Variants in TANC2 observed in about 807,000 individuals in gnomAD.
TANC2 encodes protein TANC2.
TANC2 carries 26 observed loss-of-function variants against 210.5 expected under a neutral mutation model. That is an observed-to-expected ratio of 0.12 (90% CI 0.09 to 0.17). TANC2 has a LOEUF of 0.17. Ranked by LOEUF, TANC2 falls within the 10% of genes least tolerant of loss-of-function variation. The probability of loss-of-function intolerance (pLI) is 1.00; values close to 1 mark genes in which losing one functional copy is unlikely to be tolerated. For missense variants in TANC2, 2,129 were observed against 2,608.9 expected, an observed-to-expected ratio of 0.82 and a Z score of 4.01; for synonymous variants, 931 against 967.1, an observed-to-expected ratio of 0.96 and a Z score of 0.69.
intron 9 of TANC2, among the ~76,000 whole-genome samples, chr17:63,275,529 T>C (rs909924878): frequency 6.6e-6 from 1 of 152,214 alleles, no homozygotes; most frequent in Non-Finnish European, 1.5e-5. Context: ...GTCATGAAGC[T>C]AAATGCTCTT....
intron 7 of TANC2, among the ~76,000 whole-genome samples, chr17:63,205,632 C>T (rs1215245243): frequency 6.6e-6 from 1 of 152,126 alleles, no homozygotes; most frequent in African/African-American, 2.4e-5. Flanking sequence ...AGGCCGGGCA[C>T]TGTGGCTCAC....
chr17:63,112,643 A>G (rs1473526039), intron 4 of TANC2, among the ~76,000 whole-genome samples: 1 of 152,200 alleles, frequency 6.6e-6, no homozygotes, highest in African/African-American at 2.4e-5. Context: ...CTGTTTCTTC[A>G]TATGTACAGT....
In TANC2 at chr17:63,325,043, C is replaced by T. The variant is rs888966446; in HGVS notation, c.1575+5953C>T. Among the ~76,000 whole-genome samples, 3 of 127,122 alleles carry T rather than the reference C, an allele frequency of 2.4e-5. No homozygotes were observed. In the Admixed American group the frequency reaches 3.2e-4, roughly 14 times the overall value. 83.4% of individuals were successfully genotyped at this position (127,122 alleles called of 152,430 possible). On this transcript the variant is annotated intron_variant, in intron 11 of 27. Transcript: ENST00000689528. ...TTTTCCCAGGACCGGTTATTTTAGA[C>T]TACATAATTCTTTGTGTGGGGTGGG...
At chr17:63,008,586 C>T (rs1356899183) in intron 1 of TANC2, among the ~76,000 whole-genome samples, 3 of 151,534 alleles carry the variant, frequency 2.0e-5, no homozygotes, top group African/African-American at 7.3e-5. Context: ...AAAATATGTT[C>T]ATGTTATGAT....
chr17:63,415,787 G>A (rs989724362), intron 26 of TANC2, 113 bp downstream of exon 26: 5 of 1,330,490 alleles, frequency 3.8e-6, no homozygotes, highest in African/African-American at 2.9e-5. Context: ...TTGGAACTTG[G>A]TTGTCCTTCA....
chr17:62,973,275 G>T (rs2031813702), intron 1 of TANC2, among the ~76,000 whole-genome samples: 1 of 152,056 alleles, frequency 6.6e-6, no homozygotes, highest in Non-Finnish European at 1.5e-5. Flanking sequence ...CGAATGATCG[G>T]CCCGTCTCAG....
chr17:63,357,220 C>T (rs2046806549), intron 14 of TANC2, among the ~76,000 whole-genome samples: 1 of 152,126 alleles, frequency 6.6e-6, no homozygotes, highest in Admixed American at 6.5e-5. Flanking sequence ...TGATCTGGGA[C>T]CTTAGATCCT....
intron 5 of TANC2, among the ~76,000 whole-genome samples, chr17:63,157,797 T>C (rs938935373): frequency 6.6e-6 from 1 of 152,136 alleles, no homozygotes; most frequent in Admixed American, 6.6e-5. Flanking sequence ...CCACCCAGGC[T>C]GGAGTGCGGT....
chr17:63,203,393 A>G (rs1298622730), intron 7 of TANC2, among the ~76,000 whole-genome samples: 1 of 152,212 alleles, frequency 6.6e-6, no homozygotes, highest in Non-Finnish European at 1.5e-5. Flanking sequence ...GTTACAGGAT[A>G]CTATTCCCTG....
chr17:63,320,523 T>G (rs909801836), intron 11 of TANC2: 7 of 152,214 alleles, frequency 4.6e-5, no homozygotes, highest in Non-Finnish European at 7.3e-5. Flanking sequence ...ATAAATTTTT[T>G]GATACTTACT....
At chr17:63,149,410 C>G (rs531148064) in intron 4 of TANC2, 1 of 152,068 alleles carries the variant, frequency 6.6e-6, no homozygotes, top group South Asian at 2.1e-4. Flanking sequence ...ACATTTCTAC[C>G]TTAAGTTTCT....
chr17:63,337,736 C>T (rs984641153), intron 11 of TANC2, among the ~76,000 whole-genome samples: 24 of 151,978 alleles, frequency 1.6e-4, no homozygotes, highest in Admixed American at 1.2e-3. Flanking sequence ...AAGCCTAGTA[C>T]CCATTAGCTA....
intron 14 of TANC2, among the ~76,000 whole-genome samples, chr17:63,359,568 G>A (rs1462861798): frequency 1.3e-5 from 2 of 151,750 alleles, no homozygotes; most frequent in African/African-American, 2.4e-5. Context: ...GGCTGGTCTC[G>A]TACTCCTGAC....
intron 13 of TANC2, among the ~76,000 whole-genome samples, chr17:63,353,895 CAAG>C (rs1397151759): frequency 6.6e-6 from 1 of 151,978 alleles, no homozygotes; most frequent in African/African-American, 2.4e-5. Flanking sequence ...ATGCCCTTGA[CAAG>C]AACCATTTCA....
At chr17:63,317,706 G>A (rs2045358129) in intron 10 of TANC2, among the ~76,000 whole-genome samples, 1 of 152,204 alleles carries the variant, frequency 6.6e-6, no homozygotes, top group South Asian at 2.1e-4. Context: ...CATTTCAGAA[G>A]TCTCTTTTGC....
At chr17:63,040,351 G>A (rs2035137495) in intron 2 of TANC2, among the ~76,000 whole-genome samples, 1 of 152,136 alleles carries the variant, frequency 6.6e-6, no homozygotes, top group South Asian at 2.1e-4. Context: ...CATTTCAGAA[G>A]TACAGTATAG....
chr17:63,359,434 C>T, intron 14 of TANC2, among the ~76,000 whole-genome samples: 1 of 151,894 alleles, frequency 6.6e-6, no homozygotes, highest in East Asian at 1.9e-4. Flanking sequence ...ACCTCTGCCT[C>T]CTGAGTTCAA....
intron 11 of TANC2, among the ~76,000 whole-genome samples, chr17:63,324,779 TC>T (rs2045594806): frequency 6.6e-6 from 1 of 152,174 alleles, no homozygotes; most frequent in East Asian, 1.9e-4. Context: ...ATTTTCTACC[TC>T]TTCCACTAGA....
chr17:63,390,995 C>G (rs758918795), intron 17 of TANC2: 1 of 152,196 alleles, frequency 6.6e-6, no homozygotes, highest in Admixed American at 6.5e-5. Context: ...TCAGTTCTTA[C>G]GTACGCTCAC....
Sources: allele counts gnomAD v4.1 joint callset (sites outside exome capture counted in the v4.1 genomes callset), GRCh38; gene constraint gnomAD v4.1.1; transcripts MANE v1.5; gene names NCBI Gene and HGNC (gene_info 2026-07-23, HGNC 2026-07-21).